The following SYNM variants were observed in gnomAD, a reference collection of about 807,000 sequenced individuals.
SYNM encodes the protein synemin.
Under a neutral mutation model 104.0 loss-of-function variants are expected in SYNM, and 95 were observed. The observed-to-expected ratio is 0.91, with a 90% CI of 0.77 to 1.08. The LOEUF is 1.08. Among genes scored for constraint, SYNM ranks in the 50% least tolerant of loss-of-function variants. SYNM has a pLI of 0.00. For missense variants in SYNM, 2,150 were observed against 2,052.2 expected, an observed-to-expected ratio of 1.05 and a Z score of -0.92; for synonymous variants, 918 against 869.0, an observed-to-expected ratio of 1.06 and a Z score of -0.99.
At chr15:99,114,779 C>CT (rs2067331886) in intron 2 of SYNM, among the ~76,000 whole-genome samples, 4 of 151,716 alleles carry the variant, frequency 2.6e-5, no homozygotes, top group East Asian at 2.0e-4. Context: ...TTGGCATCAC[C>CT]CTCCTTTCCC....
chr15:99,121,740 G>C (rs1415277370), intron 2 of SYNM, among the ~76,000 whole-genome samples: 2 of 152,186 alleles, frequency 1.3e-5, no homozygotes, highest in African/African-American at 4.8e-5. Context: ...GAAGCTGTTA[G>C]AAAACAGAAC....
chr15:99,106,925 G>C (rs1329706569), intron 1 of SYNM, among the ~76,000 whole-genome samples: 1 of 152,258 alleles, frequency 6.6e-6, no homozygotes, highest in Non-Finnish European at 1.5e-5. Context: ...GTTTGCAGCT[G>C]TGAGTTAAAG....
At chr15:99,111,922 G>T (rs1963266) in intron 1 of SYNM, among the ~76,000 whole-genome samples, 4,609 of 152,314 alleles carry the variant, frequency 0.03, 232 homozygotes, top group African/African-American at 0.11. Context: ...GCAGGCGCCT[G>T]TATACAGTCC....
At chr15:99,126,953 G>A (rs2067453780) in intron 3 of SYNM, among the ~76,000 whole-genome samples, 161 bp downstream of exon 3, 1 of 152,234 alleles carries the variant, frequency 6.6e-6, no homozygotes, top group African/African-American at 2.4e-5. Flanking sequence ...TTAGTTTAGT[G>A]TGACATAATT....
At chr15:99,126,868 A>G in intron 3 of SYNM, 76 bp downstream of exon 3, 2 of 1,327,724 alleles carry the variant, frequency 1.5e-6, no homozygotes, top group South Asian at 1.5e-5. Flanking sequence ...GTAAAGCACC[A>G]TCATCGGGAA....
chr15:99,113,566 A>G, intron 1 of SYNM, 25 bp from the exon 2 acceptor site: 1 of 1,611,988 alleles, frequency 6.2e-7, no homozygotes, highest in South Asian at 1.1e-5. Flanking sequence ...GTTCTCTGAT[A>G]TAAAAGTCTG....
chr15:99,130,815 A>G lies in SYNM; in HGVS notation c.2455A>G (p.Thr819Ala). ...QENTTHVEEV[T>A]EAGDSEGEQS... Reference sequence around the variant, plus strand: ...GAACACGACTCACGTGGAAGAAGTGACAGAGGCAGGTGATTCAGAGGGCGA... The same window carrying G: ...GAACACGACTCACGTGGAAGAAGTGGCAGAGGCAGGTGATTCAGAGGGCGA... Residue 819 changes from threonine (T) to alanine (A), a missense_variant, in exon 4 of 4, where the codon ACA becomes GCA. Physicochemically the swap from Thr to Ala is moderately conservative, Grantham distance 58. Transcript: ENST00000336292. 2 of 1,614,036 alleles carry G rather than the reference A, an allele frequency of 1.2e-6. No homozygotes were observed. The highest frequency in any genetic ancestry group is 1.6e-4 in the Middle Eastern group (1 of 6,062).
chr15:99,105,453 G>C lies in SYNM; in HGVS notation c.254G>C (p.Arg85Pro), dbSNP rs1372997593. ...SWATALAEGE[R>P]DALRRELREL... Reference sequence around the variant, plus strand: ...GCCACTGCGCTGGCGGAGGGCGAGCGGGACGCTCTGCGGCGCGAGCTGCGG... The same window carrying C: ...GCCACTGCGCTGGCGGAGGGCGAGCCGGACGCTCTGCGGCGCGAGCTGCGG... Residue 85 changes from arginine to proline, a missense_variant, in exon 1 of 4, where the codon CGG becomes CCG. By Grantham distance (103) the Arg-to-Pro change is moderately radical (BLOSUM62 -2). Coordinates refer to ENST00000336292, the MANE Select transcript of SYNM (RefSeq NM_145728.3). The C allele has an allele frequency of 4.9e-6, 7 of 1,422,108 alleles. No homozygotes were observed. The highest frequency in any genetic ancestry group is 5.5e-6 in the Non-Finnish European group (6 of 1,093,168). 88.1% of individuals were successfully genotyped at this position (1,422,108 alleles called of 1,614,324 possible).
At position 99,131,042 on chromosome 15, in the gene SYNM, AGC is replaced by A; in HGVS notation, c.2685_2686del (p.Pro896LeufsTer16). On this transcript the variant is annotated frameshift_variant, in exon 4 of 4. Coordinates refer to ENST00000336292, the MANE Select transcript of SYNM (RefSeq NM_145728.3). LOFTEE classifies it high-confidence loss of function. This position sits in a 1 kb window ranked among gnomAD's most constrained non-coding sequence, Gnocchi z 4.3. ...AGGTTGTGAAGCCCTTGGATGTCCC[AGC>A]GCCCTCTCTGGAGGGGGACCTGGGT... ...EKVVKPLDVP[A>X]PSLEGDLGST... is the part of the protein sequence containing the mutation. 1 of 1,609,838 alleles carries A rather than the reference AGC, an allele frequency of 6.2e-7. No individual in the cohort carries two copies.
At chr15:99,138,205 A>G, downstream of SYNM, 1 of 1,574,000 alleles carries the variant, frequency 6.4e-7, no homozygotes, top group Non-Finnish European at 8.6e-7. Flanking sequence ...TTTGCTGCCC[A>G]GCAGGTGCCC....
At chr15:99,138,382 C>T (rs189816000), downstream of SYNM, among the ~76,000 whole-genome samples, 170 of 152,004 alleles carry the variant, frequency 1.1e-3, no homozygotes, top group Middle Eastern at 6.8e-3. Flanking sequence ...GGCCCCATCT[C>T]GGCTCCCTGC....
rs781802455 is a variant in SYNM, at chr15:99,131,616, G to T, written c.3256G>T (p.Ala1086Ser). The stretch of plus-strand genomic sequence containing the variant: ...AGGCGAGAGCGAGGTTGCTGGTGGG[G>T]CCTCTCACAGCTCGGGACAGCGCAC... ...PSGESEVAGG[A>S]SHSSGQRTPQ... Residue 1086 changes from alanine to serine, a missense_variant, in exon 4 of 4, where the codon GCC (alanine) becomes TCC (serine). Coordinates refer to ENST00000336292, the MANE Select transcript of SYNM (RefSeq NM_145728.3). The surrounding 1 kb of genome is among the most constrained non-coding windows in gnomAD (Gnocchi z 4.3). 4 of 1,610,298 alleles carry T rather than the reference G, an allele frequency of 2.5e-6. No homozygotes were observed. The South Asian group carries it at 3.3e-5, about 13-fold the overall frequency.
downstream of SYNM, chr15:99,140,117 C>G (rs2068055905): frequency 5.5e-6 from 1 of 182,476 alleles, no homozygotes. Flanking sequence ...ATGTTTGTCA[C>G]CCGGGGTAGA....
downstream of SYNM, chr15:99,139,438 T>G (rs782000964): frequency 1.5e-5 from 25 of 1,613,538 alleles, no homozygotes; most frequent in African/African-American, 5.3e-5. Context: ...GCTATGGAAG[T>G]GTCGCTGAGA....
chr15:99,123,549 C>T (rs1612365), intron 2 of SYNM, among the ~76,000 whole-genome samples: 20,458 of 152,156 alleles, frequency 0.13, 1,528 homozygotes, highest in East Asian at 0.28. Flanking sequence ...GCCACGGGCC[C>T]GCATCTGGGG....
In SYNM at chr15:99,133,149, A is replaced by G; in HGVS notation, c.*91A>G. 6.5e-7 allele frequency: 1 copy of G among 1,535,950 alleles called. No homozygotes were observed. The highest frequency in any genetic ancestry group is 8.7e-7 in the Non-Finnish European group (1 of 1,150,960). On this transcript the variant is annotated 3_prime_UTR_variant, in exon 4 of 4. Coordinates refer to ENST00000336292, the MANE Select transcript of SYNM (RefSeq NM_145728.3). ...TTATTTTAAGAGGCCGAGGGAGTCT[A>G]TGAAAATCTCCCCTTTTTTACTTTT...
At chr15:99,107,117 T>C (rs1378716638) in intron 1 of SYNM, among the ~76,000 whole-genome samples, 2 of 152,250 alleles carry the variant, frequency 1.3e-5, no homozygotes, top group East Asian at 3.8e-4. Flanking sequence ...TGGGAAATCA[T>C]AGAATGCAAT....
intron 1 of SYNM, among the ~76,000 whole-genome samples, chr15:99,108,988 G>A (rs539104728): frequency 2.0e-5 from 3 of 152,146 alleles, no homozygotes; most frequent in South Asian, 2.1e-4. Flanking sequence ...CTTTTTTTCT[G>A]TGTTCCATGT....
intron 1 of SYNM, among the ~76,000 whole-genome samples, chr15:99,108,436 A>T (rs1670257): frequency 0.033 from 5,025 of 152,266 alleles, 102 homozygotes; most frequent in Non-Finnish European, 0.051. Flanking sequence ...GCTAGGAAGT[A>T]TGTGAAAGAG....
Sources: gnomAD v4.1 joint callset for allele counts (sites outside exome capture counted in the v4.1 genomes callset) on GRCh38, gnomAD v4.1.1 for gene constraint, Gnocchi (gnomAD v3.1) non-coding constraint, MANE v1.5 for transcripts, NCBI Gene and HGNC (gene_info 2026-07-23, HGNC 2026-07-21) for gene names.